The following WLS variants were observed in gnomAD, a reference collection of about 807,000 sequenced individuals.
WLS encodes protein wntless homolog.
WLS carries 23 observed loss-of-function variants against 62.8 expected under a neutral mutation model. The observed-to-expected ratio is 0.37, with a 90% CI of 0.26 to 0.52. The LOEUF (loss-of-function observed/expected upper bound fraction) is 0.52. WLS is among the 20% of genes least tolerant of loss of function. The pLI is 0.92. For missense variants in WLS, 615 were observed against 697.3 expected, an observed-to-expected ratio of 0.88 and a Z score of 1.33; for synonymous variants, 246 against 244.1, an observed-to-expected ratio of 1.01 and a Z score of -0.07.
intron 3 of WLS, among the ~76,000 whole-genome samples, chr1:68,155,755 G>A (rs1221033218): frequency 6.6e-6 from 1 of 152,056 alleles, no homozygotes; most frequent in African/African-American, 2.4e-5. Context: ...TGAGGGAGAA[G>A]CTAGAAGAAG....
intron 2 of WLS, among the ~76,000 whole-genome samples, chr1:68,159,583 C>T (rs766188826): frequency 3.3e-5 from 5 of 152,136 alleles, no homozygotes; most frequent in African/African-American, 9.7e-5. Context: ...GTAGAAGCCA[C>T]GTGGAAGGTG....
chr1:68,187,085 G>A (rs376614577), intron 2 of WLS, among the ~76,000 whole-genome samples: 32 of 150,680 alleles, frequency 2.1e-4, no homozygotes, highest in Admixed American at 8.0e-4. Context: ...GGTGGCAGGC[G>A]CCTGTAGTCC....
chr1:68,137,644 C>G lies in WLS; in HGVS notation c.1516+136G>C, dbSNP rs1462237489. 4.1e-6 allele frequency: 4 copies of G among 985,318 alleles called. No homozygotes were observed. In the African/African-American group the frequency reaches 6.5e-5, roughly 16 times the overall value. 61.0% of individuals were successfully genotyped at this position (985,318 alleles called of 1,614,324 possible). On this transcript the variant is annotated intron_variant, in intron 11 of 11. Transcript: ENST00000262348. Reference sequence around the variant, plus strand: ...TGGGTGAGTCCCCTGGGTGCTCATTCACCGTCTCCCAGTGTGAGGAGTATA... The same window carrying G: ...TGGGTGAGTCCCCTGGGTGCTCATTGACCGTCTCCCAGTGTGAGGAGTATA...
intron 1 of WLS, among the ~76,000 whole-genome samples, chr1:68,227,405 CAAAAAAA>C (rs59704442): frequency 2.7e-5 from 3 of 112,846 alleles, no homozygotes; most frequent in African/African-American, 3.5e-5. Context: ...GACTCCGTCA[CAAAAAAA>C]AAAAAAAAAA....
chr1:68,122,679 A>G (rs1646378125), downstream of WLS, among the ~76,000 whole-genome samples: 1 of 152,220 alleles, frequency 6.6e-6, no homozygotes, highest in Non-Finnish European at 1.5e-5. Flanking sequence ...CATGGCCAAT[A>G]ATAAATTTTT....
chr1:68,149,287 G>A (rs902192300), intron 6 of WLS, among the ~76,000 whole-genome samples: 1 of 152,176 alleles, frequency 6.6e-6, no homozygotes, highest in Admixed American at 6.5e-5. Flanking sequence ...ACAATCCTTG[G>A]CTGGCTTCCT....
intron 11 of WLS, among the ~76,000 whole-genome samples, chr1:68,118,224 G>C (rs1296945958): frequency 6.6e-6 from 1 of 152,132 alleles, no homozygotes; most frequent in African/African-American, 2.4e-5. Context: ...TCAAGAAAAT[G>C]GATAAAGAAT....
At chr1:68,162,777 G>T in intron 2 of WLS, 1 of 1,094,326 alleles carries the variant, frequency 9.1e-7, no homozygotes, top group Non-Finnish European at 1.4e-6. Context: ...CGTAGCCACT[G>T]CCTATCTGCA....
At chr1:68,111,938 C>T (rs1296004834) in intron 11 of WLS, among the ~76,000 whole-genome samples, 1 of 152,226 alleles carries the variant, frequency 6.6e-6, no homozygotes, top group Non-Finnish European at 1.5e-5. Flanking sequence ...CTGGCTTGCT[C>T]TGGTACTAAC....
chr1:68,156,536 C>T (rs2100490008), intron 3 of WLS, among the ~76,000 whole-genome samples: 1 of 152,242 alleles, frequency 6.6e-6, no homozygotes, highest in South Asian at 2.1e-4. Context: ...CAGAGACACA[C>T]ACGGCAAGGT....
At chr1:68,168,788 A>G (rs895514167) in intron 2 of WLS, among the ~76,000 whole-genome samples, 1 of 152,186 alleles carries the variant, frequency 6.6e-6, no homozygotes, top group East Asian at 1.9e-4. Context: ...TCTGGCAGAC[A>G]TATAATCTGG....
At chr1:68,151,850 A>G (rs1051596574) in intron 5 of WLS, among the ~76,000 whole-genome samples, 1 of 152,154 alleles carries the variant, frequency 6.6e-6, no homozygotes, top group Non-Finnish European at 1.5e-5. Flanking sequence ...CAGAGGGGTG[A>G]CAGGATCTGA....
chr1:68,224,785 A>G lies in WLS; in HGVS notation c.106+7409T>C, dbSNP rs1034207636. 2.3e-4 allele frequency among the ~76,000 whole-genome samples: 35 copies of G among 151,828 alleles called. 1 individual carries two copies. Among genetic ancestry groups the G allele is most frequent in the Non-Finnish European group, 1.3e-4 (9 of 67,976 alleles). ...GAAGCAAAACGAAAAGGTGGGGGGG[A>G]TTGAGCTTTCATCTTCTGCTCTATC... On this transcript the variant is annotated intron_variant, in intron 1 of 11. Transcript: ENST00000262348.
intron 11 of WLS, among the ~76,000 whole-genome samples, chr1:68,100,492 T>G (rs1285823879): frequency 6.6e-6 from 1 of 152,134 alleles, no homozygotes; most frequent in African/African-American, 2.4e-5. Flanking sequence ...TGCAAACACA[T>G]AGTAGAGTTC....
chr1:68,132,237 G>A (rs889491248), intron 11 of WLS, among the ~76,000 whole-genome samples: 1 of 152,196 alleles, frequency 6.6e-6, no homozygotes, highest in African/African-American at 2.4e-5. Context: ...AGCAAGGGGT[G>A]CCAGGCTGGT....
intron 5 of WLS, among the ~76,000 whole-genome samples, chr1:68,150,921 T>A (rs1646816860): frequency 6.6e-6 from 1 of 152,240 alleles, no homozygotes; most frequent in Non-Finnish European, 1.5e-5. Flanking sequence ...ACTGATTTAT[T>A]CATACTTTTT....
chr1:68,164,589 G>A (rs1461004696), intron 2 of WLS, among the ~76,000 whole-genome samples: 1 of 152,146 alleles, frequency 6.6e-6, no homozygotes, highest in African/African-American at 2.4e-5. Context: ...AAAAATACAT[G>A]AAGTAGGGTT....
intron 2 of WLS, among the ~76,000 whole-genome samples, chr1:68,184,094 A>T (rs1463324099): frequency 4.6e-5 from 7 of 152,166 alleles, no homozygotes; most frequent in Non-Finnish European, 8.8e-5. Context: ...GAATTTTTCA[A>T]CCCCTGAAAC....
intron 11 of WLS, 108 bp downstream of exon 11, chr1:68,137,672 T>C: frequency 7.7e-7 from 1 of 1,305,292 alleles, no homozygotes; most frequent in East Asian, 2.4e-5. Flanking sequence ...GGAGTATACT[T>C]GGAGGGAAAG....
Sources: gnomAD v4.1 joint callset for allele counts (sites outside exome capture counted in the v4.1 genomes callset) on GRCh38, gnomAD v4.1.1 for gene constraint, MANE v1.5 for transcripts, NCBI Gene and HGNC (gene_info 2026-07-23, HGNC 2026-07-21) for gene names.